Variants in UNC13C observed in about 807,000 individuals in gnomAD.
UNC13C encodes the protein unc-13 homolog C, also known as protein unc-13 homolog C.
Under a neutral mutation model 245.4 loss-of-function variants are expected in UNC13C, and 174 were observed. That is an observed-to-expected ratio of 0.71 (90% CI 0.63 to 0.80). The LOEUF is 0.80. Ranked by LOEUF, UNC13C falls within the 30% of genes least tolerant of loss-of-function variation. The pLI is 0.00. For synonymous variants in UNC13C, 992 were observed against 895.1 expected, an observed-to-expected ratio of 1.11 and a Z score of -1.93; for missense variants, 2,829 against 2,602.9, an observed-to-expected ratio of 1.09 and a Z score of -1.89.
intron 8 of UNC13C, among the ~76,000 whole-genome samples, chr15:54,253,221 G>C (rs111347970): frequency 1.3e-5 from 2 of 152,220 alleles, no homozygotes; most frequent in African/African-American, 4.8e-5. Context: ...ATGAAGTCTT[G>C]GGTTTGTGAC....
intron 13 of UNC13C, among the ~76,000 whole-genome samples, chr15:54,317,932 T>G (rs1437045794): frequency 6.6e-6 from 1 of 151,918 alleles, no homozygotes; most frequent in East Asian, 1.9e-4. Flanking sequence ...ACCTTTCAAC[T>G]CTCTACTTCT....
At chr15:54,611,708 C>G (rs1900109207) in intron 30 of UNC13C, 1 of 152,108 alleles carries the variant, frequency 6.6e-6, no homozygotes, top group Non-Finnish European at 1.5e-5. Context: ...AGTATTAAAT[C>G]AAGCTCTCTT....
intron 2 of UNC13C, among the ~76,000 whole-genome samples, chr15:54,085,064 G>A (rs1444344697): frequency 6.6e-6 from 1 of 152,024 alleles, no homozygotes; most frequent in East Asian, 1.9e-4. Context: ...GAAGACTTCT[G>A]AATGTTAATT....
chr15:54,480,416 C>CTT lies in UNC13C; in HGVS notation c.4934-14179_4934-14178dup, dbSNP rs58297037. The stretch of plus-strand genomic sequence containing the variant: ...AGGCTTCGTTCATTCTTTTTTTACT[C>CTT]TTTTTTTTTTTTTTAGTTTTGTCTG... On this transcript the variant is annotated intron_variant, in intron 19 of 32. Transcript: ENST00000260323. Among the ~76,000 whole-genome samples, 213 of 142,520 alleles carry CTT rather than the reference C, an allele frequency of 1.5e-3. 3 individuals carry two copies. The highest frequency in any genetic ancestry group is 5.8e-3 in the East Asian group (29 of 4,980). 93.5% of individuals were successfully genotyped at this position (142,520 alleles called of 152,430 possible).
chr15:53,843,103 T>C, the UNC13C span, among the ~76,000 whole-genome samples: 1 of 152,116 alleles, frequency 6.6e-6, no homozygotes, highest in Non-Finnish European at 1.5e-5. Flanking sequence ...TTTTCCCATA[T>C]TAATATTTCT....
At position 54,494,068 on chromosome 15, in the gene UNC13C, T is replaced by C. The variant is rs75422865; in HGVS notation, c.4934-540T>C. Among the ~76,000 whole-genome samples, 24 of 152,224 alleles carry C rather than the reference T, an allele frequency of 1.6e-4. No individual in the cohort carries two copies. The East Asian group carries it at 4.6e-3, about 29-fold the overall frequency. Reference sequence around the variant, plus strand: ...TTTAATGCTTTAGGGGGTAAATAACTAGGCCAGAAATGTGATCTACTCACT... The same window carrying C: ...TTTAATGCTTTAGGGGGTAAATAACCAGGCCAGAAATGTGATCTACTCACT... On this transcript the variant is annotated intron_variant, in intron 19 of 32. Coordinates refer to ENST00000260323, the MANE Select transcript of UNC13C (RefSeq NM_001080534.3).
intron 4 of UNC13C, among the ~76,000 whole-genome samples, chr15:54,224,707 T>C (rs2035325143): frequency 6.6e-6 from 1 of 152,148 alleles, no homozygotes; most frequent in Admixed American, 6.5e-5. Flanking sequence ...CTCAGAGTAG[T>C]TAGAATAAGA....
At chr15:54,318,297 A>G (rs1596208900) in intron 13 of UNC13C, among the ~76,000 whole-genome samples, 1 of 151,982 alleles carries the variant, frequency 6.6e-6, no homozygotes, top group East Asian at 2.0e-4. Context: ...TTGAAGAACC[A>G]CCATACTATT....
intron 19 of UNC13C, among the ~76,000 whole-genome samples, chr15:54,477,918 G>A (rs1435649947): frequency 1.0e-4 from 15 of 146,370 alleles, no homozygotes; most frequent in East Asian, 2.2e-4. Context: ...GGTAGAATTC[G>A]GCTGTGAATC....
At chr15:54,432,254 G>C (rs1353523812) in intron 19 of UNC13C, among the ~76,000 whole-genome samples, 1 of 151,552 alleles carries the variant, frequency 6.6e-6, no homozygotes. Context: ...TTAAGTAAGA[G>C]CGACTGTGAT....
At chr15:54,441,112 C>G (rs1890502700) in intron 19 of UNC13C, among the ~76,000 whole-genome samples, 1 of 152,028 alleles carries the variant, frequency 6.6e-6, no homozygotes, top group African/African-American at 2.4e-5. Flanking sequence ...TGCAGATTGT[C>G]TCTTTACTCT....
Position 54,533,061 on chromosome 15 carries a change from CA to C in UNC13C, c.5695del (p.Thr1899HisfsTer2). On this transcript the variant is annotated frameshift_variant, in exon 26 of 33. Coordinates refer to ENST00000260323, the MANE Select transcript of UNC13C (RefSeq NM_001080534.3). LOFTEE classifies it high-confidence loss of function. The part of the protein sequence containing the change: ...VLRSLMDFLD[K>X]TLSLSAKICE... ...TAAGATCTCTTATGGATTTTTTGGA[CA>C]AAACGTAAGTTTTTTTGCCCAGTTT... The C allele has an allele frequency of 6.3e-7, 1 of 1,588,248 alleles. No homozygotes were observed. Among genetic ancestry groups the C allele is most frequent in the Non-Finnish European group, 8.6e-7 (1 of 1,166,960 alleles).
chr15:53,881,330 G>A, the UNC13C span, among the ~76,000 whole-genome samples: 2 of 152,184 alleles, frequency 1.3e-5, no homozygotes, highest in Non-Finnish European at 2.9e-5. Flanking sequence ...CAAGCATGTG[G>A]AATGCTTCCC....
In UNC13C at chr15:54,148,221, AC is replaced by A. The variant is rs1201485811; in HGVS notation, c.3071+4539del. On this transcript the variant is annotated intron_variant, in intron 4 of 32. Transcript: ENST00000260323. ...ACCTCATTTTCAAACAGGTACATTT[AC>A]CAAAAAATATTAATAAGAAACGTAT... Among the ~76,000 whole-genome samples the A allele has an allele frequency of 2.6e-5, 4 of 152,212 alleles. No homozygotes were observed. The East Asian group carries it at 7.7e-4, about 29-fold the overall frequency.
intron 2 of UNC13C, among the ~76,000 whole-genome samples, chr15:54,024,786 G>T (rs1241893942): frequency 6.6e-6 from 1 of 152,108 alleles, no homozygotes; most frequent in Non-Finnish European, 1.5e-5. Context: ...GTGGTCCCGG[G>T]CGCCTGTAGA....
intron 2 of UNC13C, among the ~76,000 whole-genome samples, chr15:54,067,756 T>G (rs547692158): frequency 6.6e-6 from 1 of 152,344 alleles, no homozygotes; most frequent in East Asian, 1.9e-4. Context: ...TCCTAAGTCC[T>G]GACACCTCTA....
chr15:54,392,797 C>T (rs1207025297), intron 17 of UNC13C, among the ~76,000 whole-genome samples: 1 of 151,890 alleles, frequency 6.6e-6, no homozygotes, highest in Non-Finnish European at 1.5e-5. Flanking sequence ...ACAACAACAA[C>T]AGCAACAAAG....
chr15:54,476,446 A>C (rs1440417332), intron 19 of UNC13C, among the ~76,000 whole-genome samples: 4 of 149,166 alleles, frequency 2.7e-5, no homozygotes, highest in Non-Finnish European at 4.4e-5. Flanking sequence ...TTTTAGGTCT[A>C]ACGTTTAAGT....
intron 2 of UNC13C, among the ~76,000 whole-genome samples, chr15:54,024,931 A>T (rs963107353): frequency 7.8e-4 from 93 of 118,666 alleles, no homozygotes; most frequent in Admixed American, 2.0e-3. Flanking sequence ...TAAAAAATAA[A>T]AAATAATAAA....
Sources: allele counts gnomAD v4.1 joint callset (sites outside exome capture counted in the v4.1 genomes callset), GRCh38; gene constraint gnomAD v4.1.1; transcripts MANE v1.5; gene names NCBI Gene and HGNC (gene_info 2026-07-23, HGNC 2026-07-21).